The following ZFAND4 variants were observed in gnomAD, a reference collection of about 807,000 sequenced individuals.
The protein encoded by ZFAND4 is AN1-type zinc finger protein 4.
Under a neutral mutation model 64.4 loss-of-function variants are expected in ZFAND4, and 43 were observed. That is an observed-to-expected ratio of 0.67 (90% CI 0.52 to 0.86). The LOEUF is 0.86. Ranked by LOEUF, ZFAND4 falls within the 40% of genes least tolerant of loss-of-function variation. The pLI is 0.00. For missense variants in ZFAND4, 929 were observed against 859.8 expected (o/e 1.08, Z -1.01); for synonymous variants, 296 against 305.7 (o/e 0.97, Z 0.33).
chr10:45,659,020 C>T (rs892028864), intron 2 of ZFAND4, among the ~76,000 whole-genome samples: 2 of 152,146 alleles, frequency 1.3e-5, no homozygotes, highest in Admixed American at 6.5e-5. Context: ...GATCCATTTA[C>T]GTGAAGCTGA....
intron 1 of ZFAND4, among the ~76,000 whole-genome samples, chr10:45,664,455 G>C (rs892217422): frequency 6.6e-6 from 1 of 151,702 alleles, no homozygotes. Context: ...TTTTAGTAGA[G>C]ACGGGGTTTC....
chr10:45,627,579 A>G (rs905227887), intron 6 of ZFAND4, among the ~76,000 whole-genome samples: 6 of 152,166 alleles, frequency 3.9e-5, no homozygotes, highest in South Asian at 2.1e-4. Context: ...TTTTGGGAAC[A>G]TCTATTTCAG....
At chr10:45,628,060 A>G (rs1435039088) in intron 6 of ZFAND4, among the ~76,000 whole-genome samples, 2 of 152,222 alleles carry the variant, frequency 1.3e-5, no homozygotes, top group East Asian at 3.8e-4. Flanking sequence ...GATTTTTTAA[A>G]AAGTACCACA....
At chr10:45,656,602 G>C (rs1040166454) in intron 2 of ZFAND4, among the ~76,000 whole-genome samples, 16 of 148,252 alleles carry the variant, frequency 1.1e-4, no homozygotes, top group Non-Finnish European at 6.0e-5. Context: ...TCAAAACACA[G>C]TAACAAGAAA....
chr10:45,618,403 T>C, intron 8 of ZFAND4, 143 bp from the exon 9 acceptor site: 1 of 1,066,060 alleles, frequency 9.4e-7, no homozygotes, highest in East Asian at 3.0e-5. Flanking sequence ...ATATCTAAAA[T>C]TACTTATAAA....
intron 5 of ZFAND4, chr10:45,640,325 C>A: frequency 8.0e-7 from 1 of 1,254,010 alleles, no homozygotes; most frequent in Non-Finnish European, 1.0e-6. Flanking sequence ...TTGTGCAACC[C>A]AGACAACAGG....
chr10:45,644,748 CTG>C (rs1472480501), intron 5 of ZFAND4, among the ~76,000 whole-genome samples: 1 of 152,098 alleles, frequency 6.6e-6, no homozygotes, highest in African/African-American at 2.4e-5. Flanking sequence ...CCATATTGCT[CTG>C]TGTTATTGTT....
intron 8 of ZFAND4, among the ~76,000 whole-genome samples, chr10:45,623,267 G>A (rs1167044434): frequency 6.6e-6 from 1 of 152,128 alleles, no homozygotes; most frequent in Non-Finnish European, 1.5e-5. Flanking sequence ...TCATTTCTGG[G>A]TATATATTCT....
chr10:45,618,921 C>T (rs1425031754), intron 8 of ZFAND4, among the ~76,000 whole-genome samples: 1 of 152,066 alleles, frequency 6.6e-6, no homozygotes, highest in African/African-American at 2.4e-5. Flanking sequence ...CAGTACACAG[C>T]TCAATTTCAC....
At chr10:45,653,123 T>C in intron 2 of ZFAND4, 64 bp from the exon 3 acceptor site, 1 of 1,210,772 alleles carries the variant, frequency 8.3e-7, no homozygotes, top group South Asian at 1.4e-5. Flanking sequence ...AAGAGTATGA[T>C]ACAAATCTAT....
chr10:45,635,191 T>C (rs1230915338), intron 6 of ZFAND4, among the ~76,000 whole-genome samples: 1 of 16,716 alleles, frequency 6.0e-5, no homozygotes, highest in African/African-American at 2.2e-4. Context: ...CAAAGCCATC[T>C]AAGCAAAAAA....
chr10:45,661,553 C>T (rs1408810536), intron 2 of ZFAND4, among the ~76,000 whole-genome samples: 1 of 152,198 alleles, frequency 6.6e-6, no homozygotes, highest in Non-Finnish European at 1.5e-5. Flanking sequence ...CCTCCGTATT[C>T]CATATCCCTC....
At chr10:45,635,755 G>A (rs142402401) in intron 6 of ZFAND4, among the ~76,000 whole-genome samples, 1 of 152,290 alleles carries the variant, frequency 6.6e-6, no homozygotes, top group African/African-American at 2.4e-5. Flanking sequence ...AGGAAATTCT[G>A]ACACGTTATG....
chr10:45,640,235 A>T, intron 5 of ZFAND4: 1 of 1,218,206 alleles, frequency 8.2e-7, no homozygotes, highest in Non-Finnish European at 1.0e-6. Context: ...ATGTTTTGAC[A>T]CCTGCCATAT....
At chr10:45,627,639 T>C (rs961943751) in intron 6 of ZFAND4, among the ~76,000 whole-genome samples, 1 of 152,208 alleles carries the variant, frequency 6.6e-6, no homozygotes, top group African/African-American at 2.4e-5. Flanking sequence ...TCGTTCATTG[T>C]GCCAAACTAT....
rs147411791 is a variant in ZFAND4, at chr10:45,666,587, T to G, written c.-117-2745A>C. ...TTTCTTTTATCATACTTAAAAAGCT[T>G]GGCTTAACCCAAGGTAATAAAGATT... On this transcript the variant is annotated intron_variant, in intron 1 of 9. Transcript: ENST00000344646. Among the ~76,000 whole-genome samples, 5 of 152,366 alleles carry G rather than the reference T, an allele frequency of 3.3e-5. No homozygotes were observed. The East Asian group carries it at 9.6e-4, about 29-fold the overall frequency.
intron 1 of ZFAND4, among the ~76,000 whole-genome samples, chr10:45,666,512 C>G (rs909794772): frequency 8.6e-5 from 13 of 150,818 alleles, no homozygotes; most frequent in Admixed American, 4.6e-4. Context: ...TTGATAGTAT[C>G]TTTTGAAACA....
At chr10:45,625,325 T>C (rs1273365519) in intron 7 of ZFAND4, among the ~76,000 whole-genome samples, 2 of 150,790 alleles carry the variant, frequency 1.3e-5, no homozygotes, top group Non-Finnish European at 3.0e-5. Flanking sequence ...ACAAAAAAAA[T>C]TAGCCAGGCG....
intron 4 of ZFAND4, chr10:45,649,026 T>C (rs1343284565): frequency 5.9e-6 from 5 of 845,556 alleles, no homozygotes; most frequent in South Asian, 5.4e-5. Context: ...CCCAGCACTT[T>C]GGGAGGCCGA....
Sources: gnomAD v4.1 joint callset for allele counts (sites outside exome capture counted in the v4.1 genomes callset) on GRCh38, gnomAD v4.1.1 for gene constraint, MANE v1.5 for transcripts, NCBI Gene and HGNC (gene_info 2026-07-23, HGNC 2026-07-21) for gene names.